KIAA0586: variants seen among roughly 807,000 people sequenced by gnomAD.
The protein encoded by KIAA0586 is protein TALPID3.
KIAA0586 carries 144 observed loss-of-function variants against 169.8 expected under a neutral mutation model. The ratio of observed to expected loss-of-function variants is 0.85; its 90% confidence interval spans 0.74 to 0.97. The LOEUF (loss-of-function observed/expected upper bound fraction) is 0.97. Ranked by LOEUF, KIAA0586 falls within the 50% of genes least tolerant of loss-of-function variation. KIAA0586 has a pLI of 0.00. For synonymous variants in KIAA0586, 625 were observed against 612.4 expected, an observed-to-expected ratio of 1.02 and a Z score of -0.30; for missense variants, 1,854 against 1,823.0, an observed-to-expected ratio of 1.02 and a Z score of -0.31.
At chr14:58,561,702 T>A in the KIAA0586 span, among the ~76,000 whole-genome samples, 1 of 152,234 alleles carries the variant, frequency 6.6e-6, no homozygotes, top group Non-Finnish European at 1.5e-5. Flanking sequence ...TTTAAATGGA[T>A]ACTTTAAACT....
At chr14:58,427,472 G>C, upstream of KIAA0586, 1 of 899,076 alleles carries the variant, frequency 1.1e-6, no homozygotes, top group Non-Finnish European at 1.7e-6. Context: ...TTACAAGTCG[G>C]GAGCTCTTCA....
chr14:58,513,520 T>C lies in KIAA0586; in HGVS notation c.4429+893T>C, dbSNP rs143319415. The stretch of plus-strand genomic sequence containing the variant: ...CCACTTAAGGTTTAGGTTTTCACTC[T>C]TCCATTTGTTGTCTGTTCCCCTCTT... On this transcript the variant is annotated intron_variant, in intron 29 of 30. Transcript: ENST00000652326. Among the ~76,000 whole-genome samples, 99 of 152,044 alleles carry C rather than the reference T, an allele frequency of 6.5e-4. 4 individuals are homozygous for C. The East Asian group carries it at 0.012, about 18-fold the overall frequency.
intron 29 of KIAA0586, among the ~76,000 whole-genome samples, chr14:58,517,759 G>C (rs1028449931): frequency 6.6e-5 from 10 of 152,126 alleles, no homozygotes; most frequent in Admixed American, 1.3e-4. Context: ...AACAATCTGT[G>C]TGGTACATCC....
chr14:58,474,571 A>G (rs755135005), intron 18 of KIAA0586, 36 bp from the exon 19 acceptor site: 1 of 1,423,134 alleles, frequency 7.0e-7, no homozygotes, highest in Non-Finnish European at 9.4e-7. Context: ...TTGAACAAAT[A>G]CATGAATATA....
At chr14:58,442,972 T>C in intron 5 of KIAA0586, 92 bp downstream of exon 5, 1 of 918,982 alleles carries the variant, frequency 1.1e-6, no homozygotes, top group Non-Finnish European at 1.6e-6. Flanking sequence ...TGTCCAGTTA[T>C]AGACTAGGAA....
chr14:58,476,328 C>T (rs1311123134), intron 19 of KIAA0586, among the ~76,000 whole-genome samples: 1 of 152,136 alleles, frequency 6.6e-6, no homozygotes, highest in Non-Finnish European at 1.5e-5. Flanking sequence ...TCCTGTTCCC[C>T]TTTCCCTTCC....
At position 58,467,719 on chromosome 14, in the gene KIAA0586, C is replaced by T; in HGVS notation, c.2255-16C>T. 1 of 1,564,798 alleles carries T rather than the reference C, an allele frequency of 6.4e-7. No homozygotes were observed. The highest frequency in any genetic ancestry group is 8.7e-7 in the Non-Finnish European group (1 of 1,155,046). On this transcript the variant is annotated splice_polypyrimidine_tract_variant and intron_variant, in intron 15 of 30. Transcript: ENST00000652326. ...TTCTGAACTAGTTGACTTATTTTTT[C>T]TCCTAAACTTCTTAGGACAAACCCA...
intron 5 of KIAA0586, among the ~76,000 whole-genome samples, chr14:58,443,220 C>T (rs959011003): frequency 2.6e-5 from 4 of 152,172 alleles, no homozygotes; most frequent in Admixed American, 2.6e-4. Flanking sequence ...CCTTAGCTGT[C>T]GCTTTGTAAA....
intron 25 of KIAA0586, among the ~76,000 whole-genome samples, 181 bp downstream of exon 25, chr14:58,490,421 TG>T (rs2042762706): frequency 6.6e-6 from 1 of 152,096 alleles, no homozygotes; most frequent in African/African-American, 2.4e-5. Flanking sequence ...ATTATGAGAA[TG>T]AAAAAAAGTT....
At chr14:58,516,053 AAG>A (rs1485837857) in intron 29 of KIAA0586, among the ~76,000 whole-genome samples, 1 of 152,154 alleles carries the variant, frequency 6.6e-6, no homozygotes, top group Non-Finnish European at 1.5e-5. Flanking sequence ...TGGTTACAGG[AAG>A]AGACACCAGG....
intron 4 of KIAA0586, among the ~76,000 whole-genome samples, chr14:58,438,278 A>G (rs2038007361): frequency 6.6e-6 from 1 of 152,210 alleles, no homozygotes; most frequent in African/African-American, 2.4e-5. Flanking sequence ...AATAATTGGA[A>G]AAAATAAAAT....
intron 6 of KIAA0586, 70 bp downstream of exon 6, chr14:58,444,245 G>A: frequency 1.1e-6 from 1 of 935,504 alleles, no homozygotes; most frequent in Non-Finnish European, 1.7e-6. Flanking sequence ...AGTATTCATT[G>A]ATAATTACAG....
rs2041710688 is a variant in KIAA0586, at chr14:58,477,242, G to T, written c.2944+1G>T. 6.8e-7 allele frequency: 1 copy of T among 1,463,266 alleles called. No homozygotes were observed. Among genetic ancestry groups the T allele is most frequent in the Non-Finnish European group, 9.4e-7 (1 of 1,066,298 alleles). The allele number at this position is 1,463,266 out of a possible 1,614,324, so 90.6% of individuals were successfully genotyped here. ...AGTGAACCACTGACTTCTGACATTG[G>T]TAAGTGAAATAGAATTTTTTTTTGT... On this transcript the variant is annotated splice_donor_variant, in intron 20 of 30. Coordinates refer to ENST00000652326, the MANE Select transcript of KIAA0586 (RefSeq NM_001329943.3). LOFTEE classifies it high-confidence loss of function.
At chr14:58,534,408 T>G (rs2046162372) in intron 29 of KIAA0586, among the ~76,000 whole-genome samples, 3 of 152,226 alleles carry the variant, frequency 2.0e-5, no homozygotes, top group African/African-American at 7.2e-5. Flanking sequence ...AGACATAAAC[T>G]GAAACAGCAA....
Position 58,450,586 on chromosome 14 carries a change from A to G in KIAA0586, c.969A>G (p.Leu323=). ...AAAAATTTTCTGTTAAAGCACCTTT[A>G]AAAGAAGTTGAAGATACGAGTTTTG... ...YNTFASKQAP[L]KEVEDTSFDK... Residue 323 remains leucine (L), a synonymous_variant, in exon 8 of 31, where the codon TTA becomes TTG. Coordinates refer to ENST00000652326, the MANE Select transcript of KIAA0586 (RefSeq NM_001329943.3). 2 of 1,598,194 alleles carry G rather than the reference A, an allele frequency of 1.3e-6. No individual in the cohort carries two copies. Among genetic ancestry groups the G allele is most frequent in the South Asian group, 1.1e-5 (1 of 87,762 alleles).
intron 4 of KIAA0586, chr14:58,441,356 AC>A (rs2038354244): frequency 2.4e-6 from 1 of 412,540 alleles, no homozygotes. Flanking sequence ...GTGTGCCACC[AC>A]ACCTGGCTAA....
rs1225627583 is a variant in KIAA0586 at position 58,470,709 on chromosome 14, C to A, written c.2539C>A (p.Gln847Lys). 3 of 1,561,340 alleles carry A rather than the reference C, an allele frequency of 1.9e-6. No homozygotes were observed. The highest frequency in any genetic ancestry group is 2.6e-6 in the Non-Finnish European group (3 of 1,132,792). ...CAAAGAAGCATCTCTTCCTCCTGTG[C>A]AAACTTGGATAAAGGTATATTTCAG... ...SPKEASLPPVQTWIKTPEIMK... is the reference protein window; with the variant it reads ...SPKEASLPPVKTWIKTPEIMK... The change falls in exon 17 of 31, where the codon CAA (glutamine) becomes AAA (lysine). Residue 847 changes from glutamine to lysine, a missense_variant. By Grantham distance (53) the Gln-to-Lys change is moderately conservative. Coordinates refer to ENST00000652326, the MANE Select transcript of KIAA0586 (RefSeq NM_001329943.3).
intron 21 of KIAA0586, 46 bp from the exon 22 acceptor site, chr14:58,486,961 A>G: frequency 1.4e-6 from 2 of 1,451,268 alleles, no homozygotes. Flanking sequence ...AATTACTTTT[A>G]TTTGGGTGAT....
At chr14:58,509,767 A>C (rs1364982322) in intron 28 of KIAA0586, among the ~76,000 whole-genome samples, 3 of 152,352 alleles carry the variant, frequency 2.0e-5, no homozygotes, top group South Asian at 2.1e-4. Flanking sequence ...TTTTGTGACC[A>C]TGATTAGGCA....
Sources: gnomAD v4.1 joint callset for allele counts (sites outside exome capture counted in the v4.1 genomes callset) on GRCh38, gnomAD v4.1.1 for gene constraint, MANE v1.5 for transcripts, NCBI Gene and HGNC (gene_info 2026-07-23, HGNC 2026-07-21) for gene names.